Variants in LAMA2 observed in about 807,000 individuals in gnomAD.
LAMA2 encodes the protein laminin subunit alpha 2.
Under a neutral mutation model 364.8 loss-of-function variants are expected in LAMA2, and 269 were observed. The ratio of observed to expected loss-of-function variants is 0.74; its 90% CI spans 0.67 to 0.82. LAMA2 has a LOEUF of 0.82. LAMA2 is among the 40% of genes least tolerant of loss of function. LAMA2 has a pLI of 0.00. For missense variants in LAMA2, 3,807 were observed against 3,873.2 expected (o/e 0.98, Z 0.45); for synonymous variants, 1,379 against 1,370.6 (o/e 1.01, Z -0.14).
At chr6:129,009,142 G>C (rs1045585642) in intron 1 of LAMA2, among the ~76,000 whole-genome samples, 3 of 151,994 alleles carry the variant, frequency 2.0e-5, no homozygotes, top group African/African-American at 7.2e-5. Context: ...CCTCTTTCTT[G>C]GATATCTTTG....
intron 3 of LAMA2, among the ~76,000 whole-genome samples, chr6:129,084,873 A>G (rs1583013387): frequency 6.6e-6 from 1 of 152,302 alleles, no homozygotes; most frequent in East Asian, 1.9e-4. Context: ...ATACTTCATT[A>G]AAGTATTTTT....
intron 49 of LAMA2, among the ~76,000 whole-genome samples, chr6:129,461,109 G>A (rs972651886): frequency 1.3e-5 from 2 of 151,942 alleles, no homozygotes; most frequent in African/African-American, 4.8e-5. Flanking sequence ...TATCACCCAA[G>A]CCTAAAGCAA....
chr6:129,353,742 C>T (rs572945196), intron 32 of LAMA2, among the ~76,000 whole-genome samples: 4 of 152,258 alleles, frequency 2.6e-5, no homozygotes, highest in South Asian at 2.1e-4. Context: ...AATTTGTAAT[C>T]GACTGGACAG....
chr6:128,953,597 T>TTG (rs113782463), intron 1 of LAMA2, among the ~76,000 whole-genome samples: 17,143 of 121,646 alleles, frequency 0.14, 1,326 homozygotes, highest in African/African-American at 0.29. Context: ...GCCCATGGAC[T>TTG]TGTGTGTGTG....
intron 37 of LAMA2, among the ~76,000 whole-genome samples, chr6:129,400,879 A>T (rs1779929157): frequency 6.6e-6 from 1 of 152,262 alleles, no homozygotes; most frequent in African/African-American, 2.4e-5. Flanking sequence ...CTAGAATTCA[A>T]TATGTAGTAC....
At chr6:128,895,753 A>T (rs1776735827) in intron 1 of LAMA2, among the ~76,000 whole-genome samples, 1 of 152,154 alleles carries the variant, frequency 6.6e-6, no homozygotes, top group Non-Finnish European at 1.5e-5. Context: ...TCACATCAGG[A>T]GGGGTCCTTT....
chr6:129,125,317 C>G (rs1446593501), intron 4 of LAMA2, among the ~76,000 whole-genome samples: 1 of 152,056 alleles, frequency 6.6e-6, no homozygotes, highest in African/African-American at 2.4e-5. Flanking sequence ...GTATAGTATT[C>G]TGGAATTCAG....
chr6:129,409,155 G>A (rs7761165), intron 40 of LAMA2, among the ~76,000 whole-genome samples: 75,881 of 151,652 alleles, frequency 0.5, 19,441 homozygotes, highest in African/African-American at 0.62. Flanking sequence ...TCTGCCCCCT[G>A]GGAAGACTTC....
intron 33 of LAMA2, among the ~76,000 whole-genome samples, 193 bp from the exon 34 acceptor site, chr6:129,369,699 C>CT (rs1401839326): frequency 2.6e-5 from 4 of 152,180 alleles, no homozygotes; most frequent in African/African-American, 9.7e-5. Flanking sequence ...CAATAAGTCA[C>CT]TGCAATTTTT....
chr6:128,986,974 C>T (rs1783281169), intron 1 of LAMA2, among the ~76,000 whole-genome samples: 1 of 151,798 alleles, frequency 6.6e-6, no homozygotes, highest in South Asian at 2.1e-4. Context: ...GTTATCTTTC[C>T]ATTTGTTAGA....
chr6:129,202,187 CAA>C (rs776190977), intron 12 of LAMA2, among the ~76,000 whole-genome samples: 978 of 62,112 alleles, frequency 0.016, 6 homozygotes, highest in African/African-American at 0.052. Flanking sequence ...GAGTCTGTCT[CAA>C]AAAAAAAAAA....
intron 17 of LAMA2, among the ~76,000 whole-genome samples, chr6:129,271,322 C>T (rs1787918298): frequency 6.6e-6 from 1 of 152,082 alleles, no homozygotes; most frequent in Admixed American, 6.6e-5. Flanking sequence ...CAAGAAAGAA[C>T]ACTTGACTTC....
chr6:129,217,841 A>G (rs1365567909), intron 12 of LAMA2, among the ~76,000 whole-genome samples: 2 of 152,202 alleles, frequency 1.3e-5, no homozygotes, highest in African/African-American at 4.8e-5. Context: ...GGGACAGTTC[A>G]GCTTCTCCAA....
chr6:129,312,550 T>A (rs1267754668), intron 22 of LAMA2, among the ~76,000 whole-genome samples: 1 of 152,224 alleles, frequency 6.6e-6, no homozygotes, highest in Non-Finnish European at 1.5e-5. Flanking sequence ...ATTTAATCTT[T>A]GAGACAAAGC....
chr6:129,121,470 A>G (rs535385966), intron 4 of LAMA2, among the ~76,000 whole-genome samples: 15 of 152,262 alleles, frequency 9.9e-5, no homozygotes, highest in East Asian at 1.9e-4. Flanking sequence ...GTATGCTAGC[A>G]TATCTAGTTG....
intron 12 of LAMA2, among the ~76,000 whole-genome samples, chr6:129,247,277 C>T (rs1274370004): frequency 1.3e-5 from 2 of 151,980 alleles, no homozygotes; most frequent in African/African-American, 4.8e-5. Context: ...TGGCGAAATC[C>T]CATCTCTACA....
At position 129,050,051 on chromosome 6, in the gene LAMA2, G is replaced by GCC. The variant is rs748041025; in HGVS notation, c.246_247insCC (p.Cys83ProfsTer43). 1 of 1,614,198 alleles carries GCC rather than the reference G, an allele frequency of 6.2e-7. No individual in the cohort carries two copies. Among genetic ancestry groups the GCC allele is most frequent in the Admixed American group, 1.7e-5 (1 of 60,022 alleles). Reference sequence around the variant, plus strand: ...CTGGGCAGCCTGTGAGGAACCCGCAGTGTCGAATCTGCAATCAAAACAGCA... The same window carrying GCC: ...CTGGGCAGCCTGTGAGGAACCCGCAGCCTGTCGAATCTGCAATCAAAACAGCA... On this transcript the variant is annotated frameshift_variant, in exon 2 of 65. Transcript: ENST00000421865. LOFTEE classifies it high-confidence loss of function.
intron 34 of LAMA2, among the ~76,000 whole-genome samples, chr6:129,380,123 G>T (rs1171396855): frequency 1.3e-5 from 2 of 152,126 alleles, no homozygotes; most frequent in African/African-American, 4.8e-5. Flanking sequence ...AATTATTTTT[G>T]AAAATCTAAG....
At chr6:129,071,732 G>A (rs1364683779) in intron 3 of LAMA2, among the ~76,000 whole-genome samples, 2 of 151,992 alleles carry the variant, frequency 1.3e-5, no homozygotes, top group African/African-American at 4.8e-5. Context: ...TGTTTTTGTT[G>A]TTATTCCTTT....
Sources: allele counts gnomAD v4.1 joint callset (sites outside exome capture counted in the v4.1 genomes callset), GRCh38; gene constraint gnomAD v4.1.1; transcripts MANE v1.5; gene names NCBI Gene and HGNC (gene_info 2026-07-23, HGNC 2026-07-21).